The following DNAJC10 variants were observed in gnomAD, a reference collection of about 807,000 sequenced individuals.
DNAJC10 encodes DnaJ heat shock protein family (Hsp40) member C10, also known as endoplasmic reticulum disulfide reductase DNAJC10.
In DNAJC10, 101 loss-of-function variants were observed where a neutral mutation model predicts 115.0. The ratio of observed to expected loss-of-function variants is 0.88; its 90% confidence interval spans 0.75 to 1.04. The LOEUF is 1.04. DNAJC10 is among the 50% of genes least tolerant of loss of function. DNAJC10 has a pLI of 0.00. For missense variants in DNAJC10, 981 were observed against 928.8 expected, an observed-to-expected ratio of 1.06 and a Z score of -0.73; for synonymous variants, 307 against 301.5, an observed-to-expected ratio of 1.02 and a Z score of -0.19.
rs1171591879 is a variant in DNAJC10 at position 182,778,221 on chromosome 2, T to C, written c.*1089T>C. 1 of 152,168 alleles carries C rather than the reference T, an allele frequency of 6.6e-6. No individual in the cohort carries two copies. The highest frequency in any genetic ancestry group is 2.4e-5 in the African/African-American group (1 of 41,450). The allele number at this position is 152,168 out of a possible 1,614,324, so 9.4% of individuals were successfully genotyped here. Reference sequence around the variant, plus strand: ...TAGGAAAAATTACTTTACAGGTTGTTTTACTGTAGCTTATAATGATACTGT... The same window carrying C: ...TAGGAAAAATTACTTTACAGGTTGTCTTACTGTAGCTTATAATGATACTGT... On this transcript the variant is annotated 3_prime_UTR_variant, in exon 24 of 24. Coordinates refer to ENST00000264065, the MANE Select transcript of DNAJC10 (RefSeq NM_018981.4).
intron 11 of DNAJC10, among the ~76,000 whole-genome samples, chr2:182,739,179 T>G (rs1403766049): frequency 7.2e-6 from 1 of 138,030 alleles, no homozygotes; most frequent in African/African-American, 2.5e-5. Flanking sequence ...TATATATATA[T>G]AGTATATATC....
rs570685873 is a variant in DNAJC10, at chr2:182,791,799, A to G, written c.*14667A>G. The G allele has an allele frequency of 1.3e-5, 2 of 152,334 alleles. No homozygotes were observed. The highest frequency in any genetic ancestry group is 4.1e-4 in the South Asian group (2 of 4,828). 9.4% of individuals were successfully genotyped at this position (152,334 alleles called of 1,614,324 possible). On this transcript the variant is annotated 3_prime_UTR_variant, in exon 24 of 24. Transcript: ENST00000264065. Reference sequence around the variant, plus strand: ...AGTCACATGTTTCTAATACATGATAAGATTTGCAGTTATCGTTTAATTAAT... The same window carrying G: ...AGTCACATGTTTCTAATACATGATAGGATTTGCAGTTATCGTTTAATTAAT...
In DNAJC10 at chr2:182,785,720, A is replaced by G. The variant is rs1694934225; in HGVS notation, c.*8588A>G. ...TTTTCAGTCATGAGCCAAATGCAGT[A>G]TGTGGGCTATATTTGCATCTTGATT... is the stretch of plus-strand genomic sequence containing the variant. On this transcript the variant is annotated 3_prime_UTR_variant, in exon 24 of 24. Transcript: ENST00000264065. 1 of 152,148 alleles carries G rather than the reference A, an allele frequency of 6.6e-6. No homozygotes were observed. The highest frequency in any genetic ancestry group is 2.4e-5 in the African/African-American group (1 of 41,450). The allele number at this position is 152,148 out of a possible 1,614,324, so 9.4% of individuals were successfully genotyped here. A position where few individuals can be genotyped will look rare whatever the true frequency, so the allele number is the denominator to read the frequency against.
chr2:182,773,147 T>TTGAATATTGGCCCCCACTATCTCCTG (rs1694611079), intron 22 of DNAJC10, among the ~76,000 whole-genome samples: 3 of 152,324 alleles, frequency 2.0e-5, no homozygotes, highest in Non-Finnish European at 4.4e-5. Context: ...TTTAAGAATG[T>TTGAATATTGGCCCCCACTATCTCCTG]TGAATATTGG....
In DNAJC10 at chr2:182,762,674, T is replaced by C; in HGVS notation, c.2146-8T>C. The C allele has an allele frequency of 1.2e-6, 2 of 1,611,456 alleles. No individual in the cohort carries two copies. Among genetic ancestry groups the C allele is most frequent in the African/African-American group, 1.3e-5 (1 of 74,946 alleles). On this transcript the variant is annotated splice_polypyrimidine_tract_variant and splice_region_variant and intron_variant, in intron 21 of 23. Transcript: ENST00000264065. ...CAGAAAATGGCAAACTGTATTTTTC[T>C]TTTTCAGATGATTAAAGGAAAAGTG...
intron 22 of DNAJC10, among the ~76,000 whole-genome samples, chr2:182,769,960 G>A (rs538031827): frequency 1.1e-4 from 17 of 152,222 alleles, no homozygotes; most frequent in East Asian, 9.6e-4. Flanking sequence ...TAGATCTTAC[G>A]TTTAGGTCTT....
intron 4 of DNAJC10, among the ~76,000 whole-genome samples, chr2:182,720,999 T>C (rs1319427880): frequency 3.3e-5 from 5 of 152,164 alleles, no homozygotes; most frequent in Middle Eastern, 6.8e-3. Context: ...GTGTTTTTTT[T>C]CTTAAACATG....
At chr2:182,754,222 G>T (rs528093619) in intron 16 of DNAJC10, among the ~76,000 whole-genome samples, 2 of 152,184 alleles carry the variant, frequency 1.3e-5, no homozygotes, top group South Asian at 2.1e-4. Context: ...ATTTGAATTT[G>T]CACACATTTT....
intron 13 of DNAJC10, among the ~76,000 whole-genome samples, chr2:182,742,977 G>A (rs1464922838): frequency 6.6e-6 from 1 of 152,016 alleles, no homozygotes; most frequent in Non-Finnish European, 1.5e-5. Flanking sequence ...CTCCCAAGTA[G>A]CTGGGACTAC....
chr2:182,771,093 T>G (rs567047961), intron 22 of DNAJC10, among the ~76,000 whole-genome samples: 1 of 152,214 alleles, frequency 6.6e-6, no homozygotes, highest in Non-Finnish European at 1.5e-5. Flanking sequence ...GTTCTGTTTA[T>G]GTGAAGGATT....
At position 182,794,384 on chromosome 2, in the gene DNAJC10, G is replaced by C. The variant is rs1330197493; in HGVS notation, c.*17252G>C. ...GAGTAAGAAATGTCATTCTAGATTT[G>C]ATTCTACTGTTTGTCTTTGCAGTGA... is the stretch of plus-strand genomic sequence containing the variant. On this transcript the variant is annotated 3_prime_UTR_variant, in exon 24 of 24. Coordinates refer to ENST00000264065, the MANE Select transcript of DNAJC10 (RefSeq NM_018981.4). 1 of 152,140 alleles carries C rather than the reference G, an allele frequency of 6.6e-6. No individual in the cohort carries two copies. The highest frequency in any genetic ancestry group is 1.5e-5 in the Non-Finnish European group (1 of 68,024). The allele number at this position is 152,140 out of a possible 1,614,324, so 9.4% of individuals were successfully genotyped here. A position where few individuals can be genotyped will look rare whatever the true frequency, so the allele number is the denominator to read the frequency against.
In DNAJC10 at chr2:182,759,230, C is replaced by A; in HGVS notation, c.2068C>A (p.His690Asn). The A allele has an allele frequency of 6.2e-7, 1 of 1,610,876 alleles. No homozygotes were observed. The change falls in exon 21 of 24, where the codon CAT becomes AAT. Residue 690 changes from histidine (H) to asparagine (N), a missense_variant. His to Asn is a moderately conservative substitution (Grantham distance 68, BLOSUM62 1). Transcript: ENST00000264065. ...FSEKVLQGKN[H>N]WVIDFYAPWC... The stretch of plus-strand genomic sequence containing the variant: ...TGAAAAAGTTCTACAAGGGAAAAAT[C>A]ATTGGGTGATTGATTTCTATGCTCC...
rs867471441 is a variant in DNAJC10 at position 182,773,833 on chromosome 2, A to G, written c.2266-1483A>G. 1.4e-4 allele frequency among the ~76,000 whole-genome samples: 21 copies of G among 152,236 alleles called. 1 individual carries two copies. Among genetic ancestry groups the G allele is most frequent in the Middle Eastern group, 6.3e-3 (2 of 316 alleles). On this transcript the variant is annotated intron_variant, in intron 22 of 23. Coordinates refer to ENST00000264065, the MANE Select transcript of DNAJC10 (RefSeq NM_018981.4). ...CGACCTTCTGAAGTCTACTTCTGTC[A>G]ACTCATCAAAGTCATTCTCCGTCCA...
intron 22 of DNAJC10, among the ~76,000 whole-genome samples, chr2:182,774,611 G>A (rs1694654576): frequency 6.6e-6 from 1 of 152,228 alleles, no homozygotes; most frequent in Non-Finnish European, 1.5e-5. Context: ...TTAGACTGCT[G>A]CACTAGCAGT....
chr2:182,770,232 T>G (rs979421803), intron 22 of DNAJC10, among the ~76,000 whole-genome samples: 8 of 152,220 alleles, frequency 5.3e-5, no homozygotes, highest in Admixed American at 2.6e-4. Context: ...GTAGTATAGT[T>G]TGAAGAAAGG....
intron 5 of DNAJC10, among the ~76,000 whole-genome samples, chr2:182,726,750 G>C (rs1693294832): frequency 6.6e-6 from 1 of 152,122 alleles, no homozygotes; most frequent in Non-Finnish European, 1.5e-5. Flanking sequence ...GTTATTTTTT[G>C]TTCCTTGGTT....
intron 5 of DNAJC10, among the ~76,000 whole-genome samples, chr2:182,727,919 A>T (rs1189878938): frequency 6.6e-6 from 1 of 152,204 alleles, no homozygotes; most frequent in Non-Finnish European, 1.5e-5. Context: ...TATTGGCTAG[A>T]TATTATATGT....
At chr2:182,730,997 AT>A (rs1399114824) in intron 8 of DNAJC10, 32 bp from the exon 9 acceptor site, 27 of 1,485,818 alleles carry the variant, frequency 1.8e-5, no homozygotes, top group Non-Finnish European at 2.5e-5. Flanking sequence ...GTAATAGGTG[AT>A]CAGAATTTGC....
chr2:182,764,498 C>T (rs1246759127), intron 22 of DNAJC10, among the ~76,000 whole-genome samples: 1 of 152,134 alleles, frequency 6.6e-6, no homozygotes, highest in Non-Finnish European at 1.5e-5. Context: ...GTTAAATTTA[C>T]AGGCAGCCAC....
Sources: gnomAD v4.1 joint callset for allele counts (sites outside exome capture counted in the v4.1 genomes callset) on GRCh38, gnomAD v4.1.1 for gene constraint, MANE v1.5 for transcripts, NCBI Gene and HGNC (gene_info 2026-07-23, HGNC 2026-07-21) for gene names.